The following NAV1 variants were observed in gnomAD, a reference collection of about 807,000 sequenced individuals.
NAV1 encodes the protein neuron navigator 1.
In NAV1, 18 loss-of-function variants were observed where a neutral mutation model predicts 175.2. The ratio of observed to expected loss-of-function variants is 0.10; its 90% CI spans 0.07 to 0.15. The LOEUF (loss-of-function observed/expected upper bound fraction) is 0.15. NAV1 is among the 10% of genes least tolerant of loss of function. The pLI is 1.00. For synonymous variants in NAV1, 897 were observed against 978.7 expected, an observed-to-expected ratio of 0.92 and a Z score of 1.56; for missense variants, 1,731 against 2,436.6, an observed-to-expected ratio of 0.71 and a Z score of 6.10.
intron 17 of NAV1, among the ~76,000 whole-genome samples, chr1:201,805,011 C>CA (rs1349315007): frequency 7.2e-5 from 11 of 152,148 alleles, no homozygotes; most frequent in Non-Finnish European, 1.5e-4. Context: ...AGGGCACACT[C>CA]AAGTCACCCC....
chr1:201,632,807 T>C (rs1394023670), intron 2 of NAV1, among the ~76,000 whole-genome samples: 1 of 152,240 alleles, frequency 6.6e-6, no homozygotes, highest in African/African-American at 2.4e-5. Flanking sequence ...ACTAGGGCTG[T>C]TTTGCTTTTC....
Position 201,790,770 on chromosome 1 carries a change from A to AGTG in NAV1, c.3321+5_3321+7dup, listed in dbSNP as rs1217527487. Reference sequence around the variant, plus strand: ...GACGTCTCAGCTTTCTGCCAATGTGAGTGCCATGAAGTACGGAAAGATCAA... The same window carrying AGTG: ...GACGTCTCAGCTTTCTGCCAATGTGAGTGGTGCCATGAAGTACGGAAAGATCAA... On this transcript the variant is annotated splice_donor_region_variant and intron_variant, in intron 13 of 29. Coordinates refer to ENST00000367296, the Ensembl canonical transcript of NAV1. The AGTG allele has an allele frequency of 1.2e-6, 2 of 1,613,870 alleles. No homozygotes were observed. The highest frequency in any genetic ancestry group is 2.7e-5 in the African/African-American group (2 of 74,908).
At chr1:201,781,470 G>A (rs949898947) in intron 5 of NAV1, among the ~76,000 whole-genome samples, 161 bp downstream of exon 9, 5 of 152,214 alleles carry the variant, frequency 3.3e-5, no homozygotes, top group African/African-American at 1.2e-4. Flanking sequence ...AGTTAGGAAA[G>A]ATGGGTGTTA....
At chr1:201,604,715 GGAAA>G (rs200297869) in intron 2 of NAV1, among the ~76,000 whole-genome samples, 2,029 of 138,418 alleles carry the variant, frequency 0.015, 25 homozygotes, top group Non-Finnish European at 0.023. Flanking sequence ...GAAAGAGAAA[GGAAA>G]GAAAGAGAAA....
At chr1:201,706,254 G>GGTGTGTGTGT (rs71138350) in intron 1 of NAV1, among the ~76,000 whole-genome samples, 3 of 148,782 alleles carry the variant, frequency 2.0e-5, no homozygotes, top group African/African-American at 7.4e-5. Flanking sequence ...ATTAAGAAGG[G>GGTGTGTGTGT]GTGTGTGTGT....
intron 3 of NAV1, among the ~76,000 whole-genome samples, chr1:201,719,313 C>T (rs546842733): frequency 2.0e-5 from 3 of 152,152 alleles, no homozygotes; most frequent in African/African-American, 4.8e-5. Context: ...GTTCCCTATC[C>T]GACCCCTGTG....
chr1:201,634,945 CCT>C (rs1668574701), intron 2 of NAV1, among the ~76,000 whole-genome samples: 1 of 152,208 alleles, frequency 6.6e-6, no homozygotes, highest in Admixed American at 6.5e-5. Flanking sequence ...ACCCAGCTTC[CCT>C]GTTTCTCGCT....
At chr1:201,770,963 G>A (rs1558145536) in intron 3 of NAV1, among the ~76,000 whole-genome samples, 1 of 152,130 alleles carries the variant, frequency 6.6e-6, no homozygotes, top group Non-Finnish European at 1.5e-5. Context: ...GGAGGGTAGA[G>A]AAAGACCCCC....
intron 4 of NAV1, 34 bp downstream of exon 8, chr1:201,780,593 T>A: frequency 6.2e-7 from 1 of 1,613,872 alleles, no homozygotes. Flanking sequence ...AGCTGCCATC[T>A]CAAGATGAAC....
chr1:201,687,420 G>A (rs777728090), intron 1 of NAV1, among the ~76,000 whole-genome samples: 4 of 152,136 alleles, frequency 2.6e-5, no homozygotes, highest in African/African-American at 4.8e-5. Flanking sequence ...CCCTAGGTTC[G>A]TAACCAAAAG....
chr1:201,551,233 CT>C (rs369878346), intron 1 of NAV1, among the ~76,000 whole-genome samples: 7 of 149,876 alleles, frequency 4.7e-5, no homozygotes, highest in African/African-American at 7.3e-5. Flanking sequence ...TGGTGTCTTT[CT>C]TTTTTTTTTC....
rs542812427 is a variant in NAV1, at chr1:201,759,076, A to G, written c.1227-21345A>G. 3.2e-4 allele frequency among the ~76,000 whole-genome samples: 48 copies of G among 152,326 alleles called. No homozygotes were observed. The South Asian group carries it at 9.7e-3, about 31-fold the overall frequency. On this transcript the variant is annotated intron_variant, in intron 3 of 29. Coordinates refer to ENST00000367296, the Ensembl canonical transcript of NAV1. ...GCTTGGCATACATATTTAGGTGCTG[A>G]ACATATGGTAACTATTGTTGTAATA...
chr1:201,633,301 C>T (rs1210493540), intron 2 of NAV1, among the ~76,000 whole-genome samples: 1 of 152,230 alleles, frequency 6.6e-6, no homozygotes, highest in African/African-American at 2.4e-5. Flanking sequence ...AAGTGCTTTA[C>T]ATAAAGTCCT....
chr1:201,744,308 GTATGTATGTATTTATT>G (rs1393692616), intron 3 of NAV1, among the ~76,000 whole-genome samples: 3 of 132,664 alleles, frequency 2.3e-5, no homozygotes, highest in African/African-American at 8.8e-5. Flanking sequence ...GGCTATGTAT[GTATGTATGTATTTATT>G]TATTTATTTA....
chr1:201,757,487 C>T (rs899689862), intron 3 of NAV1, among the ~76,000 whole-genome samples: 4 of 152,136 alleles, frequency 2.6e-5, no homozygotes, highest in Non-Finnish European at 5.9e-5. Context: ...CTCCTGGCCT[C>T]GAGCGATTCT....
At chr1:201,600,400 A>G (rs923946369) in intron 2 of NAV1, among the ~76,000 whole-genome samples, 3 of 152,222 alleles carry the variant, frequency 2.0e-5, no homozygotes, top group African/African-American at 7.2e-5. Flanking sequence ...TGGAGTTTTC[A>G]AAAAGTTTGT....
chr1:201,778,252 A>G (rs1165996348), intron 3 of NAV1, among the ~76,000 whole-genome samples: 2 of 152,152 alleles, frequency 1.3e-5, no homozygotes. Context: ...TGTGGGGCAA[A>G]GGAAGGTTTC....
chr1:201,814,015 GC>G (rs1678863014), intron 28 of NAV1, among the ~76,000 whole-genome samples: 1 of 152,052 alleles, frequency 6.6e-6, no homozygotes, highest in Non-Finnish European at 1.5e-5. Context: ...CTGAGATCAC[GC>G]CACTGTACTC....
chr1:201,560,630 G>C (rs1666169576), intron 1 of NAV1, among the ~76,000 whole-genome samples: 1 of 152,184 alleles, frequency 6.6e-6, no homozygotes, highest in Non-Finnish European at 1.5e-5. Flanking sequence ...CTGAGAAACA[G>C]GATATTTAAT....
Sources: allele counts gnomAD v4.1 joint callset (sites outside exome capture counted in the v4.1 genomes callset), GRCh38; gene constraint gnomAD v4.1.1; transcripts MANE v1.5; gene names NCBI Gene and HGNC (gene_info 2026-07-23, HGNC 2026-07-21).